The following SEC63 variants were observed in gnomAD, a reference collection of about 807,000 sequenced individuals.
The protein encoded by SEC63 is SEC63 protein translocation regulator, also known as translocation protein SEC63 homolog.
Under a neutral mutation model 116.2 loss-of-function variants are expected in SEC63, and 56 were observed. The observed-to-expected ratio is 0.48, with a 90% CI of 0.39 to 0.60. The LOEUF (loss-of-function observed/expected upper bound fraction) is 0.60. Among genes scored for constraint, SEC63 ranks in the 20% least tolerant of loss-of-function variants. The pLI, the probability that SEC63 is intolerant of heterozygous loss-of-function variation, is 0.00. For synonymous variants in SEC63, 273 were observed against 294.6 expected, an observed-to-expected ratio of 0.93 and a Z score of 0.75; for missense variants, 668 against 900.0, an observed-to-expected ratio of 0.74 and a Z score of 3.30.
At position 107,925,395 on chromosome 6, in the gene SEC63, A is replaced by G. The variant is rs558740700; in HGVS notation, c.225-463T>C. 2.6e-5 allele frequency among the ~76,000 whole-genome samples: 4 copies of G among 152,334 alleles called. No individual in the cohort carries two copies. The East Asian group carries it at 7.7e-4, about 29-fold the overall frequency. ...AGTAGTAAAACTTTGGAAACAACCT[A>G]AATTACGGCTCACAGGAACTGATTA... is the stretch of plus-strand genomic sequence containing the variant. On this transcript the variant is annotated intron_variant, in intron 2 of 20. Coordinates refer to ENST00000369002, the MANE Select transcript of SEC63 (RefSeq NM_007214.5).
intron 18 of SEC63, among the ~76,000 whole-genome samples, chr6:107,879,401 A>G (rs893426615): frequency 1.3e-5 from 2 of 152,210 alleles, no homozygotes; most frequent in Non-Finnish European, 1.5e-5. Context: ...ATCTCAGCTT[A>G]CCGCAACCTC....
intron 16 of SEC63, among the ~76,000 whole-genome samples, chr6:107,884,904 T>G (rs1786493755): frequency 6.9e-6 from 1 of 144,994 alleles, no homozygotes; most frequent in Non-Finnish European, 1.5e-5. Flanking sequence ...TCCATCAATC[T>G]AATTCAACAG....
At chr6:107,933,061 G>A (rs576160965) in intron 1 of SEC63, among the ~76,000 whole-genome samples, 10 of 152,178 alleles carry the variant, frequency 6.6e-5, no homozygotes, top group African/African-American at 2.2e-4. Flanking sequence ...AATCACAGGG[G>A]TACTTTTAAC....
chr6:107,929,457 A>G lies in SEC63; in HGVS notation c.182T>C (p.Leu61Ser), dbSNP rs1787749876. ...ATTTGGCTGGGGTTTTAATAACCGT[A>G]AACGATACCACATACACCTTCCATA... ...KVYGRCMWYR[L>S]RLLKPQPNII... is the part of the protein sequence containing the mutation. Residue 61 changes from leucine to serine, a missense_variant, in exon 2 of 21, where the codon TTA becomes TCA. Leu to Ser is a moderately radical substitution (Grantham distance 145, BLOSUM62 -2). Coordinates refer to ENST00000369002, the MANE Select transcript of SEC63 (RefSeq NM_007214.5). 1 of 1,602,032 alleles carries G rather than the reference A, an allele frequency of 6.2e-7. No individual in the cohort carries two copies. Among genetic ancestry groups the G allele is most frequent in the Non-Finnish European group, 8.6e-7 (1 of 1,169,232 alleles).
chr6:107,886,255 AT>A (rs1460928804), intron 16 of SEC63, among the ~76,000 whole-genome samples: 1 of 152,166 alleles, frequency 6.6e-6, no homozygotes, highest in East Asian at 1.9e-4. Context: ...TATCCAGTCT[AT>A]CATTGATGGG....
At chr6:107,913,184 ATCTT>A (rs1787324908) in intron 5 of SEC63, among the ~76,000 whole-genome samples, 178 bp downstream of exon 5, 1 of 152,208 alleles carries the variant, frequency 6.6e-6, no homozygotes, top group African/African-American at 2.4e-5. Flanking sequence ...CTTAAATTAT[ATCTT>A]TCAAACTAGT....
At chr6:107,876,227 C>A (rs1786262651) in intron 19 of SEC63, among the ~76,000 whole-genome samples, 1 of 152,092 alleles carries the variant, frequency 6.6e-6, no homozygotes, top group Non-Finnish European at 1.5e-5. Flanking sequence ...GACAAAAGAT[C>A]TAATACTCAA....
At chr6:107,918,953 C>T (rs1456609578) in intron 4 of SEC63, among the ~76,000 whole-genome samples, 1 of 137,560 alleles carries the variant, frequency 7.3e-6, no homozygotes, top group African/African-American at 2.7e-5. Context: ...CTCTGTCGCC[C>T]AGGCTGGAGT....
intron 8 of SEC63, among the ~76,000 whole-genome samples, chr6:107,907,147 A>AAT (rs1787165829): frequency 6.6e-6 from 1 of 152,232 alleles, no homozygotes; most frequent in Non-Finnish European, 1.5e-5. Flanking sequence ...AGCTGAAAAT[A>AAT]ATGTAAACAA....
intron 16 of SEC63, among the ~76,000 whole-genome samples, chr6:107,891,908 C>T (rs2114423805): frequency 6.6e-6 from 1 of 152,364 alleles, no homozygotes; most frequent in Non-Finnish European, 1.5e-5. Context: ...GCAAAGATTG[C>T]TGCCTGTTCC....
At chr6:107,934,016 C>T (rs1190065080) in intron 1 of SEC63, among the ~76,000 whole-genome samples, 2 of 152,246 alleles carry the variant, frequency 1.3e-5, no homozygotes, top group South Asian at 2.1e-4. Flanking sequence ...GTCTGGTTCA[C>T]TCAGTGCTCA....
chr6:107,900,164 G>GT (rs916158854), intron 13 of SEC63, among the ~76,000 whole-genome samples: 37 of 149,240 alleles, frequency 2.5e-4, no homozygotes, highest in East Asian at 1.8e-3. Context: ...GTGTGTGTGT[G>GT]TTTTTTTTTT....
At chr6:107,916,773 A>T (rs1159033800) in intron 4 of SEC63, among the ~76,000 whole-genome samples, 1 of 152,198 alleles carries the variant, frequency 6.6e-6, no homozygotes, top group East Asian at 1.9e-4. Flanking sequence ...TGGCACACAA[A>T]CTGCACCTGC....
chr6:107,886,466 C>G (rs1297902195), intron 16 of SEC63, among the ~76,000 whole-genome samples: 2 of 152,222 alleles, frequency 1.3e-5, no homozygotes. Context: ...AGTTTACAGT[C>G]CCACCAACAG....
In SEC63 at chr6:107,876,433, C is replaced by T. The variant is rs1163485731; in HGVS notation, c.2034+131G>A. 6 of 663,868 alleles carry T rather than the reference C, an allele frequency of 9.0e-6. No individual in the cohort carries two copies. The South Asian group carries it at 1.0e-4, about 11-fold the overall frequency. The allele number at this position is 663,868 out of a possible 1,614,324, so 41.1% of individuals were successfully genotyped here. A position where few individuals can be genotyped will look rare whatever the true frequency, so the allele number is the denominator to read the frequency against. On this transcript the variant is annotated intron_variant, in intron 19 of 20. Transcript: ENST00000369002. Reference sequence around the variant, plus strand: ...CTCACCCCAAAATAGAGAACAGTTACAAAATGCAGGCAACGAATAGAATAC... The same window carrying T: ...CTCACCCCAAAATAGAGAACAGTTATAAAATGCAGGCAACGAATAGAATAC...
chr6:107,874,369 C>A (rs760090484), intron 19 of SEC63, among the ~76,000 whole-genome samples: 1 of 151,976 alleles, frequency 6.6e-6, no homozygotes, highest in African/African-American at 2.4e-5. Context: ...CCAAGGCGGG[C>A]GGATCACAAG....
chr6:107,901,517 ACTG>A lies in SEC63; in HGVS notation c.1210-3_1210-1del. The A allele has an allele frequency of 6.4e-7, 1 of 1,557,108 alleles. No individual in the cohort carries two copies. Among genetic ancestry groups the A allele is most frequent in the Admixed American group, 1.7e-5 (1 of 57,694 alleles). The stretch of plus-strand genomic sequence containing the variant: ...AAATCCTGGATAGTTTTAATTTTAT[ACTG>A]AATAAAAAAAAAAAAGAAAATACAT... On this transcript the variant is annotated splice_acceptor_variant and splice_polypyrimidine_tract_variant and intron_variant, in intron 12 of 20. Coordinates refer to ENST00000369002, the MANE Select transcript of SEC63 (RefSeq NM_007214.5). LOFTEE classifies it high-confidence loss of function.
chr6:107,904,749 G>C (rs1158377361), intron 10 of SEC63, 28 bp from the exon 11 acceptor site: 9 of 1,510,194 alleles, frequency 6.0e-6, no homozygotes, highest in African/African-American at 1.4e-5. Context: ...ACCTGAAACA[G>C]ATCATTTTAA....
chr6:107,929,228 T>TCCC, intron 2 of SEC63, among the ~76,000 whole-genome samples, 187 bp downstream of exon 2: 1 of 152,154 alleles, frequency 6.6e-6, no homozygotes, highest in East Asian at 1.9e-4. Flanking sequence ...AACAGTATAC[T>TCCC]CCCCTTCCTT....
Sources: gnomAD v4.1 joint callset for allele counts (sites outside exome capture counted in the v4.1 genomes callset) on GRCh38, gnomAD v4.1.1 for gene constraint, MANE v1.5 for transcripts, NCBI Gene and HGNC (gene_info 2026-07-23, HGNC 2026-07-21) for gene names.